The following PKD1 variants were observed in gnomAD, a reference collection of about 807,000 sequenced individuals.
The protein encoded by PKD1 is polycystin-1.
PKD1 carries 81 observed loss-of-function variants against 361.7 expected under a neutral mutation model. The ratio of observed to expected loss-of-function variants is 0.22; its 90% confidence interval spans 0.19 to 0.27. The LOEUF (loss-of-function observed/expected upper bound fraction) is 0.27. PKD1 is among the 10% of genes least tolerant of loss of function. The probability of loss-of-function intolerance (pLI) is 1.00; values close to 1 mark genes in which losing one functional copy is unlikely to be tolerated. For synonymous variants in PKD1, 3,615 were observed against 2,818.3 expected (o/e 1.28, Z -8.95); for missense variants, 6,399 against 6,118.3 (o/e 1.05, Z -1.53).
Position 2,108,955 on chromosome 16 carries a change from C to T in PKD1, c.6212G>A (p.Cys2071Tyr), listed in dbSNP as rs780377250. Reference sequence around the variant, plus strand: ...AAACTGCGCCGAGCGGTTGGTGAAGCAGGGGCCGCTCTGCAGGGCCACATA... The same window carrying T: ...AAACTGCGCCGAGCGGTTGGTGAAGTAGGGGCCGCTCTGCAGGGCCACATA... ...VQYVALQSGP[C>Y]FTNRSAQFEA... Residue 2071 changes from cysteine to tyrosine, a missense_variant, in exon 15 of 46, where the codon TGC (cysteine) becomes TAC (tyrosine). Cys to Tyr is a radical substitution (Grantham distance 194, BLOSUM62 -2). Transcript: ENST00000262304. 6.2e-7 allele frequency: 1 copy of T among 1,607,864 alleles called. No individual in the cohort carries two copies. The highest frequency in any genetic ancestry group is 8.5e-7 in the Non-Finnish European group (1 of 1,178,508).
At chr16:2,091,634 A>C in intron 41 of PKD1, 37 bp from the exon 42 acceptor site, 1 of 1,560,478 alleles carries the variant, frequency 6.4e-7, no homozygotes, top group Non-Finnish European at 8.6e-7. Flanking sequence ...AGCGGGTGGC[A>C]GGGCGGGAGC....
intron 41 of PKD1, 44 bp downstream of exon 41, chr16:2,091,737 G>C (rs1418570118): frequency 6.2e-7 from 1 of 1,603,364 alleles, no homozygotes; most frequent in Non-Finnish European, 8.5e-7. Context: ...CTCCTGGCTG[G>C]TGACTGCGGC....
intron 1 of PKD1, among the ~76,000 whole-genome samples, chr16:2,129,541 A>AT (rs71148122): frequency 0.013 from 966 of 72,086 alleles, 63 homozygotes; most frequent in East Asian, 0.017. Flanking sequence ...AGATCCTGTG[A>AT]TTTTTTTTTT....
rs1421519298 is a variant in PKD1 at position 2,089,255 on chromosome 16, T to C, written c.*472A>G. 2 of 179,178 alleles carry C rather than the reference T, an allele frequency of 1.1e-5. No homozygotes were observed. Among genetic ancestry groups the C allele is most frequent in the Non-Finnish European group, 2.3e-5 (2 of 85,182 alleles). The allele number at this position is 179,178 out of a possible 1,614,324, so 11.1% of individuals were successfully genotyped here. A position where few individuals can be genotyped will look rare whatever the true frequency, so the allele number is the denominator to read the frequency against. ...GTGAAAATAGTGACATACAAAAATA[T>C]ACACATTTTAACACCATATAAATTA... On this transcript the variant is annotated 3_prime_UTR_variant, in exon 46 of 46. Transcript: ENST00000262304.
chr16:2,106,736 G>A lies in PKD1; in HGVS notation c.7210-59C>T, dbSNP rs1418996049. ...CCTCTGCCCTGTCAGCCCCACTTCT[G>A]CCTGCAGGCCCCGTCCCCTCGGCCA... is the stretch of plus-strand genomic sequence containing the variant. On this transcript the variant is annotated intron_variant, in intron 17 of 45. Coordinates refer to ENST00000262304, the MANE Select transcript of PKD1 (RefSeq NM_001009944.3). The surrounding 1 kb of genome is among the most constrained non-coding windows in gnomAD (Gnocchi z 6.5). 7 of 1,511,258 alleles carry A rather than the reference G, an allele frequency of 4.6e-6. No individual in the cohort carries two copies. The East Asian group carries it at 1.2e-4, about 25-fold the overall frequency. 93.6% of individuals were successfully genotyped at this position (1,511,258 alleles called of 1,614,324 possible). A position where few individuals can be genotyped will look rare whatever the true frequency, so the allele number is the denominator to read the frequency against.
In PKD1 at chr16:2,106,997, G is replaced by A. The variant is rs928509263; in HGVS notation, c.7066-49C>T. 22 of 1,557,912 alleles carry A rather than the reference G, an allele frequency of 1.4e-5. No homozygotes were observed. Among genetic ancestry groups the A allele is most frequent in the South Asian group, 6.6e-5 (6 of 90,236 alleles). ...CCAACACAGGTCTATTTGGCCTGCT[G>A]GAAGGACTGGGGGACCCATGGAGGA... On this transcript the variant is annotated intron_variant, in intron 16 of 45. Transcript: ENST00000262304. This position sits in a 1 kb window ranked among gnomAD's most constrained non-coding sequence, Gnocchi z 6.5.
At chr16:2,108,094 C>A in intron 15 of PKD1, 62 bp from the exon 16 acceptor site, 3 of 1,578,050 alleles carry the variant, frequency 1.9e-6, no homozygotes, top group South Asian at 2.2e-5. Flanking sequence ...AAAGCAGAGC[C>A]CGGCCCAGGA....
In PKD1 at chr16:2,116,658, T is replaced by C. The variant is rs1258475562; in HGVS notation, c.1607-14A>G. The C allele has an allele frequency of 3.5e-6, 5 of 1,447,386 alleles. No individual in the cohort carries two copies. In the Admixed American group the frequency reaches 5.8e-5, roughly 17 times the overall value. 89.7% of individuals were successfully genotyped at this position (1,447,386 alleles called of 1,614,324 possible). On this transcript the variant is annotated splice_polypyrimidine_tract_variant and intron_variant, in intron 7 of 45. Transcript: ENST00000262304. ...CCTGCACTGGGCCTGGGGTGGCGAG[T>C]GCACAGTGAGGCGCCGGGCCAGGGC...
chr16:2,090,718 C>T lies in PKD1; in HGVS notation c.12094G>A (p.Gly4032Ser), dbSNP rs763281875. 1.6e-5 allele frequency: 25 copies of T among 1,612,532 alleles called. 1 individual carries two copies. In the South Asian group the frequency reaches 2.2e-4, roughly 14 times the overall value. ...TAGGCTACCCCGAGCACCACCAGGC[C>T]CAAGGTGACCCCCAGGAGCTCTGGC... ...ALPELLGVTL[G>S]LVVLGVAYAQ... The change falls in exon 44 of 46, where the codon GGC becomes AGC. Residue 4032 changes from glycine to serine, a missense_variant. Coordinates refer to ENST00000262304, the MANE Select transcript of PKD1 (RefSeq NM_001009944.3).
At position 2,093,559 on chromosome 16, in the gene PKD1, T is replaced by C; in HGVS notation, c.11001A>G (p.Leu3667=). ...AKEEARKVKR[L]HGMLRSLLVY... is the part of the protein sequence containing the mutation. ...CCAGGCTCACCCGCAGCATGCCATGTAGCCTCTTGACCTTGCGGGCTTCTT... is the reference window on the plus strand; with the variant it reads ...CCAGGCTCACCCGCAGCATGCCATGCAGCCTCTTGACCTTGCGGGCTTCTT... Residue 3667 remains leucine (L), a synonymous_variant, in exon 37 of 46, where the codon CTA becomes CTG. Coordinates refer to ENST00000262304, the MANE Select transcript of PKD1 (RefSeq NM_001009944.3). The C allele has an allele frequency of 6.2e-7, 1 of 1,603,842 alleles. No homozygotes were observed. Among genetic ancestry groups the C allele is most frequent in the African/African-American group, 1.3e-5 (1 of 74,934 alleles).
rs1567138894 is a variant in PKD1 at position 2,088,982 on chromosome 16, C to G, written c.*745G>C. On this transcript the variant is annotated 3_prime_UTR_variant, in exon 46 of 46. Coordinates refer to ENST00000262304, the MANE Select transcript of PKD1 (RefSeq NM_001009944.3). ...CCTGGGGTCCTCTGACATGCCTAGT[C>G]CTGCTACTTGCCCAGACCTGATGCC... 1 of 297,044 alleles carries G rather than the reference C, an allele frequency of 3.4e-6. No homozygotes were observed. Among genetic ancestry groups the G allele is most frequent in the African/African-American group, 2.2e-5 (1 of 45,688 alleles). 18.4% of individuals were successfully genotyped at this position (297,044 alleles called of 1,614,324 possible). A position where few individuals can be genotyped will look rare whatever the true frequency, so the allele number is the denominator to read the frequency against.
At position 2,102,394 on chromosome 16, in the gene PKD1, C is replaced by G; in HGVS notation, c.9188G>C (p.Arg3063Pro). Residue 3063 changes from arginine (R) to proline (P), a missense_variant, in exon 25 of 46, where the codon CGC (arginine) becomes CCC (proline). Transcript: ENST00000262304. Reference sequence around the variant, plus strand: ...AGGGTCACTCACAGGAAACACAAAGCGGACATGGCTTGGGGGCACGAAGAG... The same window carrying G: ...AGGGTCACTCACAGGAAACACAAAGGGGACATGGCTTGGGGGCACGAAGAG... ...ASLFVPPSHV[R>P]FVFPEPTADV... The G allele has an allele frequency of 6.4e-7, 1 of 1,558,430 alleles. No homozygotes were observed.
intron 14 of PKD1, among the ~76,000 whole-genome samples, 193 bp from the exon 15 acceptor site, chr16:2,112,064 C>T (rs1367576054): frequency 6.6e-6 from 1 of 152,212 alleles, no homozygotes; most frequent in Non-Finnish European, 1.5e-5. Flanking sequence ...CTGGCGAGGA[C>T]GGCACCGCCT....
chr16:2,090,838 C>T (rs1338879480), intron 43 of PKD1, 30 bp from the exon 44 acceptor site: 5 of 1,611,084 alleles, frequency 3.1e-6, no homozygotes, highest in South Asian at 1.1e-5. Flanking sequence ...CTGCTTGCAG[C>T]CCTGGGGTGT....
rs905132047 is a variant in PKD1, at chr16:2,089,477, C to G, written c.*250G>C. On this transcript the variant is annotated 3_prime_UTR_variant, in exon 46 of 46. Transcript: ENST00000262304. ...AGGACTCGGGGAAATAAATTAGCAT[C>G]TCAGAGGCTAGAAACCGTCCAATAC... is the stretch of plus-strand genomic sequence containing the variant. 1.4e-5 allele frequency: 8 copies of G among 564,016 alleles called. No homozygotes were observed. The East Asian group carries it at 2.3e-4, about 17-fold the overall frequency. The allele number at this position is 564,016 out of a possible 1,614,324, so 34.9% of individuals were successfully genotyped here. A position where few individuals can be genotyped will look rare whatever the true frequency, so the allele number is the denominator to read the frequency against.
At chr16:2,119,790 G>C in intron 1 of PKD1, 1 of 690,604 alleles carries the variant, frequency 1.4e-6, no homozygotes, top group Non-Finnish European at 2.6e-6. Context: ...CTCCTGTTCT[G>C]AACCCAACAG....
intron 24 of PKD1, 58 bp downstream of exon 24, chr16:2,102,756 G>A (rs992083823): frequency 2.2e-5 from 35 of 1,606,794 alleles, no homozygotes; most frequent in Non-Finnish European, 3.0e-5. Flanking sequence ...CAGTAACCCA[G>A]GCAATGCTGA....
intron 1 of PKD1, among the ~76,000 whole-genome samples, chr16:2,124,193 T>G (rs1038372179): frequency 6.6e-6 from 1 of 152,076 alleles, no homozygotes; most frequent in African/African-American, 2.4e-5. Context: ...CCGTCACAGG[T>G]GGGGCCACGT....
Position 2,092,523 on chromosome 16 carries a change from T to G in PKD1, c.11226A>C (p.Pro3742=), listed in dbSNP as rs1309397595. ...LPYVHGNQSS[P]ELGPPRLRQV... is the part of the protein sequence containing the mutation. ...GCCGCAGCCGTGGGGGCCCCAGCTC[T>G]GGGCTGGACTGGTTCCCGTGGACGT... Residue 3742 remains proline (P), a synonymous_variant, in exon 39 of 46, where the codon CCA becomes CCC. Transcript: ENST00000262304. The G allele has an allele frequency of 6.2e-7, 1 of 1,612,520 alleles. No homozygotes were observed. The highest frequency in any genetic ancestry group is 1.3e-5 in the African/African-American group (1 of 74,940).
Sources: allele counts gnomAD v4.1 joint callset (sites outside exome capture counted in the v4.1 genomes callset), GRCh38; gene constraint gnomAD v4.1.1; non-coding constraint Gnocchi (gnomAD v3.1); transcripts MANE v1.5; gene names NCBI Gene and HGNC (gene_info 2026-07-23, HGNC 2026-07-21).